KLHL24: variants seen among roughly 807,000 people sequenced by gnomAD.
KLHL24 encodes kelch like family member 24.
Under a neutral mutation model 53.4 loss-of-function variants are expected in KLHL24, and 29 were observed. The observed-to-expected ratio is 0.54, with a 90% confidence interval of 0.40 to 0.74. The LOEUF (loss-of-function observed/expected upper bound fraction) is 0.74. Ranked by LOEUF, KLHL24 falls within the 30% of genes least tolerant of loss-of-function variation. The probability of loss-of-function intolerance (pLI) is 0.00; values close to 1 mark genes in which losing one functional copy is unlikely to be tolerated. For missense variants in KLHL24, 504 were observed against 744.0 expected (o/e 0.68, Z 3.75); for synonymous variants, 222 against 253.7 (o/e 0.88, Z 1.19).
intron 2 of KLHL24, among the ~76,000 whole-genome samples, chr3:183,649,943 CTG>C (rs1560156933): frequency 6.6e-6 from 1 of 152,116 alleles, no homozygotes; most frequent in Non-Finnish European, 1.5e-5. Context: ...AGAATTCTAA[CTG>C]TAGTCAAATT....
intron 7 of KLHL24, among the ~76,000 whole-genome samples, chr3:183,678,673 T>C (rs1661138023): frequency 6.6e-6 from 1 of 152,134 alleles, no homozygotes; most frequent in Non-Finnish European, 1.5e-5. Flanking sequence ...CTCCCCCAAC[T>C]CTGCACCTTC....
chr3:183,654,815 A>T (rs1288196331), intron 3 of KLHL24, among the ~76,000 whole-genome samples: 1 of 152,218 alleles, frequency 6.6e-6, no homozygotes, highest in Non-Finnish European at 1.5e-5. Flanking sequence ...TTGCTTCCTT[A>T]TGGCATCATT....
chr3:183,651,022 T>C lies in KLHL24; in HGVS notation c.666T>C (p.Val222=). The C allele has an allele frequency of 6.2e-7, 1 of 1,614,228 alleles. No homozygotes were observed. Among genetic ancestry groups the C allele is most frequent in the Non-Finnish European group, 8.5e-7 (1 of 1,180,046 alleles). Residue 222 remains valine (V), a synonymous_variant, in exon 3 of 8, where the codon GTT becomes GTC. Coordinates refer to ENST00000242810, the MANE Select transcript of KLHL24 (RefSeq NM_017644.3). The part of the protein sequence containing the change: ...LIDYICSDEL[V]IGKEEMVFEA... ...ATTATATTTGTAGTGATGAACTTGT[T>C]ATTGGTAAAGAGGAGATGGTTTTTG...
Position 183,636,808 on chromosome 3 carries a change from C to G in KLHL24, c.-125+1015C>G, listed in dbSNP as rs1354901561. The G allele has an allele frequency of 2.0e-5, 3 of 152,030 alleles. No homozygotes were observed. In the Middle Eastern group the frequency reaches 0.01, roughly 521 times the overall value. 9.4% of individuals were successfully genotyped at this position (152,030 alleles called of 1,614,324 possible). ...TTTGCAGCTGCGGCCCGAGTGGAGCCGGGTGGCGCGGGTGCGGGAGGCGCG... is the reference window on the plus strand; with the variant it reads ...TTTGCAGCTGCGGCCCGAGTGGAGCGGGGTGGCGCGGGTGCGGGAGGCGCG... On this transcript the variant is annotated intron_variant, in intron 1 of 7. Transcript: ENST00000242810.
At chr3:183,644,135 G>T (rs1716896059) in intron 2 of KLHL24, 1 of 142,660 alleles carries the variant, frequency 7.0e-6, no homozygotes, top group African/African-American at 2.7e-5. Flanking sequence ...CCGCCTCCCG[G>T]GTTCAAGTGA....
At chr3:183,658,178 A>C (rs919101651) in intron 3 of KLHL24, among the ~76,000 whole-genome samples, 1 of 149,936 alleles carries the variant, frequency 6.7e-6, no homozygotes, top group Non-Finnish European at 1.5e-5. Flanking sequence ...GCACCATTGC[A>C]CTCTAGCCTG....
At position 183,657,237 on chromosome 3, in the gene KLHL24, T is replaced by G. The variant is rs1380546107; in HGVS notation, c.920+5961T>G. 3.3e-5 allele frequency among the ~76,000 whole-genome samples: 5 copies of G among 152,304 alleles called. No individual in the cohort carries two copies. In the East Asian group the frequency reaches 9.7e-4, roughly 29 times the overall value. On this transcript the variant is annotated intron_variant, in intron 3 of 7. Coordinates refer to ENST00000242810, the MANE Select transcript of KLHL24 (RefSeq NM_017644.3). The stretch of plus-strand genomic sequence containing the variant: ...TCCCAAGAGGAAACAAGGATGGCAC[T>G]AAACTGGGCAAGTGTCTTCTGATAT...
At chr3:183,660,129 TTC>T (rs1216224505) in intron 3 of KLHL24, among the ~76,000 whole-genome samples, 166 of 134,242 alleles carry the variant, frequency 1.2e-3, no homozygotes, top group African/African-American at 5.0e-3. Context: ...GCGTTTTTCT[TTC>T]TTTTTTTTTT....
intron 5 of KLHL24, among the ~76,000 whole-genome samples, chr3:183,667,602 C>T (rs1720754442): frequency 6.6e-6 from 1 of 152,066 alleles, no homozygotes. Flanking sequence ...CCCGACCAGT[C>T]CCCCACCAGC....
At chr3:183,676,886 C>G (rs1050616951) in intron 7 of KLHL24, among the ~76,000 whole-genome samples, 1 of 145,484 alleles carries the variant, frequency 6.9e-6, no homozygotes, top group African/African-American at 2.6e-5. Flanking sequence ...TTTAAGCATA[C>G]AAAAATAACG....
chr3:183,670,754 C>G (rs1721231209), intron 5 of KLHL24, among the ~76,000 whole-genome samples: 2 of 152,028 alleles, frequency 1.3e-5, no homozygotes, highest in South Asian at 4.2e-4. Context: ...AACAGATATA[C>G]ATACATTAAG....
intron 1 of KLHL24, among the ~76,000 whole-genome samples, chr3:183,637,109 C>G (rs1452487965): frequency 6.6e-6 from 1 of 152,220 alleles, no homozygotes; most frequent in Non-Finnish European, 1.5e-5. Flanking sequence ...ACGGTCACCC[C>G]TGAGGCAGTG....
At chr3:183,659,807 A>G (rs1445313339) in intron 3 of KLHL24, among the ~76,000 whole-genome samples, 1 of 152,214 alleles carries the variant, frequency 6.6e-6, no homozygotes, top group Non-Finnish European at 1.5e-5. Context: ...TCTCTTGGGG[A>G]GACATAATCT....
At chr3:183,673,618 T>C (rs898694262) in intron 7 of KLHL24, among the ~76,000 whole-genome samples, 14 of 152,074 alleles carry the variant, frequency 9.2e-5, no homozygotes, top group Admixed American at 6.6e-4. Flanking sequence ...AAAGGCCTTT[T>C]CCCCACCTTT....
In KLHL24 at chr3:183,682,959, G is replaced by C. The variant is rs1254451583; in HGVS notation, c.*3673G>C. 1 of 143,724 alleles carries C rather than the reference G, an allele frequency of 7.0e-6. No individual in the cohort carries two copies. The highest frequency in any genetic ancestry group is 1.5e-5 in the Non-Finnish European group (1 of 64,534). 8.9% of individuals were successfully genotyped at this position (143,724 alleles called of 1,614,324 possible). A position where few individuals can be genotyped will look rare whatever the true frequency, so the allele number is the denominator to read the frequency against. ...TTCGTTTTTTTTTTTTTTTGGGGAA[G>C]GGGGGAGAACGGGGTCTTGCTCTGT... On this transcript the variant is annotated 3_prime_UTR_variant, in exon 8 of 8. Coordinates refer to ENST00000242810, the MANE Select transcript of KLHL24 (RefSeq NM_017644.3).
intron 7 of KLHL24, among the ~76,000 whole-genome samples, chr3:183,673,705 CACT>C (rs1721681046): frequency 1.3e-5 from 2 of 152,156 alleles, no homozygotes; most frequent in Admixed American, 1.3e-4. Flanking sequence ...CTACACATAC[CACT>C]CTAGAGATGT....
At chr3:183,678,614 T>A (rs1445671338) in intron 7 of KLHL24, among the ~76,000 whole-genome samples, 1 of 152,088 alleles carries the variant, frequency 6.6e-6, no homozygotes, top group Non-Finnish European at 1.5e-5. Flanking sequence ...GATTGTTTCA[T>A]CATTCAGTTC....
chr3:183,640,810 C>T (rs1716301993), intron 1 of KLHL24, among the ~76,000 whole-genome samples: 1 of 151,990 alleles, frequency 6.6e-6, no homozygotes, highest in Admixed American at 6.6e-5. Flanking sequence ...CTATGTTGGC[C>T]AGGCTGGTCT....
intron 1 of KLHL24, among the ~76,000 whole-genome samples, chr3:183,642,372 G>T (rs1716568690): frequency 1.3e-5 from 2 of 152,014 alleles, no homozygotes; most frequent in Admixed American, 1.3e-4. Flanking sequence ...TCATAACACA[G>T]TCTGGGTATA....
Sources: allele counts gnomAD v4.1 joint callset (sites outside exome capture counted in the v4.1 genomes callset), GRCh38; gene constraint gnomAD v4.1.1; transcripts MANE v1.5; gene names NCBI Gene and HGNC (gene_info 2026-07-23, HGNC 2026-07-21).